Variants in ATRX observed in about 807,000 individuals in gnomAD.
ATRX encodes the protein chromatin remodeler ATRX.
ATRX carries 12 observed loss-of-function variants against 172.6 expected under a neutral mutation model. The ratio of observed to expected loss-of-function variants is 0.07; its 90% confidence interval spans 0.04 to 0.11. The LOEUF (loss-of-function observed/expected upper bound fraction) is 0.11. Among genes scored for constraint, ATRX ranks in the 10% least tolerant of loss-of-function variants. ATRX has a pLI of 1.00. For missense variants in ATRX, 1,368 were observed against 1,767.4 expected (o/e 0.77, Z 4.05); for synonymous variants, 674 against 594.7 (o/e 1.13, Z -1.94).
intron 19 of ATRX, among the ~76,000 whole-genome samples, chrX:77,624,223 T>C (rs1557101585): frequency 9.1e-6 from 1 of 110,433 alleles, no homozygotes. Context: ...AAAAATTAGC[T>C]GGGCGTGGTG....
rs1603222884 is a variant in ATRX at position 77,683,429 on chromosome X, T to C, written c.1827A>G (p.Pro609=). Residue 609 remains proline (P), a synonymous_variant, in exon 9 of 35, where the codon CCA becomes CCG. Transcript: ENST00000373344. The stretch of plus-strand genomic sequence containing the variant: ...AACTTTTATAGCCATCTTTATCTTG[T>C]GGAACTTCCTGACAATCAGCACCTT... ...PIKGADCQEV[P]QDKDGYKSCG... 3 of 1,209,777 alleles carry C rather than the reference T, an allele frequency of 2.5e-6. No individual in the cohort carries two copies. The highest frequency in any genetic ancestry group is 1.8e-5 in the South Asian group (1 of 56,949).
At chrX:77,646,772 A>AG (rs1477837952) in intron 15 of ATRX, among the ~76,000 whole-genome samples, 1 of 109,610 alleles carries the variant, frequency 9.1e-6, no homozygotes, top group Non-Finnish European at 1.9e-5. Context: ...CAGTTTAAAA[A>AG]AATTAGCTGG....
intron 1 of ATRX, among the ~76,000 whole-genome samples, chrX:77,771,246 C>T (rs1380761610): frequency 3.7e-5 from 4 of 109,192 alleles, no homozygotes; most frequent in African/African-American, 1.0e-4. Flanking sequence ...AGTGGTGGCA[C>T]GCACCTGTAA....
intron 28 of ATRX, among the ~76,000 whole-genome samples, chrX:77,563,086 T>A (rs959657779): frequency 3.6e-5 from 4 of 112,580 alleles, no homozygotes; most frequent in African/African-American, 1.3e-4. Flanking sequence ...CAGACAAAAG[T>A]TTTTATTTTT....
intron 30 of ATRX, among the ~76,000 whole-genome samples, chrX:77,554,118 A>G (rs1014112214): frequency 9.0e-6 from 1 of 111,150 alleles, no homozygotes; most frequent in Admixed American, 9.6e-5. Flanking sequence ...CAGCCTGGCC[A>G]ACATGGTGAA....
intron 9 of ATRX, among the ~76,000 whole-genome samples, chrX:77,678,094 T>C (rs1180559868): frequency 2.7e-5 from 3 of 110,134 alleles, no homozygotes; most frequent in African/African-American, 9.9e-5. Context: ...TAATCTCAGC[T>C]ACCCAGGAGC....
At chrX:77,777,274 G>A (rs1028352500) in intron 1 of ATRX, among the ~76,000 whole-genome samples, 15 of 103,562 alleles carry the variant, frequency 1.4e-4, no homozygotes, top group East Asian at 1.2e-3. Context: ...CCACCTACTC[G>A]TGAGGCTGAG....
chrX:77,650,729 C>T (rs1720467766), intron 15 of ATRX, among the ~76,000 whole-genome samples: 1 of 110,624 alleles, frequency 9.0e-6, no homozygotes, highest in South Asian at 3.9e-4. Context: ...AGATCACAGG[C>T]GTGCACCACC....
rs139948612 is a variant in ATRX, at chrX:77,506,897, CTTTTTTTT to C, written c.*1446_*1453del. The C allele has an allele frequency of 1.2e-3, 70 of 60,042 alleles. No homozygotes were observed. The highest frequency in any genetic ancestry group is 3.0e-3 in the East Asian group (15 of 4,936). The allele number at this position is 60,042 out of a possible 1,213,427, so 4.9% of individuals were successfully genotyped here. A position where few individuals can be genotyped will look rare whatever the true frequency, so the allele number is the denominator to read the frequency against. The stretch of plus-strand genomic sequence containing the variant: ...TAAAGCAAAGCCCAAACCCAGTTTT[CTTTTTTTT>C]TTTTTTTTTTTTTTTTTTGGAATTC... On this transcript the variant is annotated 3_prime_UTR_variant, in exon 35 of 35. Coordinates refer to ENST00000373344, the MANE Select transcript of ATRX (RefSeq NM_000489.6).
chrX:77,630,807 T>C (rs184977111), intron 19 of ATRX, among the ~76,000 whole-genome samples: 2 of 111,497 alleles, frequency 1.8e-5, no homozygotes, highest in East Asian at 5.6e-4. Flanking sequence ...AAAAAATTCA[T>C]GACCTTCGAT....
intron 27 of ATRX, among the ~76,000 whole-genome samples, chrX:77,588,192 C>T (rs928554218): frequency 8.9e-6 from 1 of 111,928 alleles, no homozygotes; most frequent in African/African-American, 3.2e-5. Flanking sequence ...ATATTCTTTT[C>T]AACAAACAGT....
chrX:77,681,758 T>A lies in ATRX; in HGVS notation c.3498A>T (p.Lys1166Asn). ...SDAEESSEDN[K>N]KKKQRTSSKK... ...TAGATGAAGTTCTTTGCTTCTTCTT[T>A]TTATTATCTTCAGAACTTTCCTCAG... Residue 1166 changes from lysine to asparagine, a missense_variant, in exon 9 of 35, where the codon AAA (lysine) becomes AAT (asparagine). This residue lies in a region of ATRX where 843 missense variants were observed against 643.1 expected (regional missense o/e 1.31). Transcript: ENST00000373344. The A allele has an allele frequency of 8.3e-7, 1 of 1,201,467 alleles. No individual in the cohort carries two copies.
chrX:77,554,268 G>A (rs1292900869), intron 30 of ATRX, among the ~76,000 whole-genome samples: 2 of 110,969 alleles, frequency 1.8e-5, no homozygotes, highest in Non-Finnish European at 3.8e-5. Context: ...TCATGCCGCT[G>A]CACTCCAGCC....
At chrX:77,768,873 C>A (rs182994713) in intron 1 of ATRX, among the ~76,000 whole-genome samples, 8 of 111,782 alleles carry the variant, frequency 7.2e-5, no homozygotes, top group Non-Finnish European at 1.5e-4. Context: ...TCAAATTTAA[C>A]TCATCTATGT....
chrX:77,570,962 T>G (rs2065390887), intron 28 of ATRX, among the ~76,000 whole-genome samples: 1 of 112,157 alleles, frequency 8.9e-6, no homozygotes, highest in African/African-American at 3.2e-5. Flanking sequence ...ACATAAGATG[T>G]TCAATATAAC....
At chrX:77,616,811 G>A in intron 21 of ATRX, 81 bp from the exon 22 acceptor site, 1 of 676,151 alleles carries the variant, frequency 1.5e-6, no homozygotes, top group South Asian at 2.3e-5. Flanking sequence ...GCTTATAACT[G>A]AAATATACAC....
chrX:77,528,774 C>T (rs1465994959), intron 30 of ATRX, among the ~76,000 whole-genome samples: 3 of 112,152 alleles, frequency 2.7e-5, no homozygotes, highest in South Asian at 7.5e-4. Flanking sequence ...GACTGCAACA[C>T]CTCTCCAGCA....
chrX:77,630,083 A>T (rs1451610558), intron 19 of ATRX, among the ~76,000 whole-genome samples: 1 of 112,190 alleles, frequency 8.9e-6, no homozygotes, highest in Admixed American at 9.4e-5. Context: ...TCTATACACT[A>T]ACAAAGAATT....
At chrX:77,779,865 G>A (rs782478755) in intron 1 of ATRX, among the ~76,000 whole-genome samples, 2 of 112,074 alleles carry the variant, frequency 1.8e-5, no homozygotes, top group Admixed American at 1.9e-4. Flanking sequence ...ACAGATACAG[G>A]AAATGGCTAC....
Sources: allele counts gnomAD v4.1 joint callset (sites outside exome capture counted in the v4.1 genomes callset), GRCh38; gene constraint gnomAD v4.1.1; regional missense constraint gnomAD v4.1.1; transcripts MANE v1.5; gene names NCBI Gene and HGNC (gene_info 2026-07-23, HGNC 2026-07-21).